Variants in UGT1A7 observed in about 807,000 individuals in gnomAD.
UGT1A7 encodes the protein UDP glucuronosyltransferase family 1 member A7, also known as UDP-glucuronosyltransferase 1A7.
In UGT1A7, 33 loss-of-function variants were observed where a neutral mutation model predicts 45.6. That is an observed-to-expected ratio of 0.72 (90% CI 0.55 to 0.97). The LOEUF is 0.97. Among genes scored for constraint, UGT1A7 ranks in the 50% least tolerant of loss-of-function variants. The pLI, the probability that UGT1A7 is intolerant of heterozygous loss-of-function variation, is 0.00. For synonymous variants in UGT1A7, 274 were observed against 250.6 expected (o/e 1.09, Z -0.88); for missense variants, 684 against 666.2 (o/e 1.03, Z -0.29).
At chr2:233,743,223 T>C (rs879890998) in intron 1 of UGT1A7, 26 of 414,194 alleles carry the variant, frequency 6.3e-5, no homozygotes, top group Middle Eastern at 7.1e-4. Context: ...TGCTCTTTGC[T>C]ATTTATTATG....
chr2:233,744,228 G>A (rs1189849107), intron 1 of UGT1A7, among the ~76,000 whole-genome samples: 1 of 151,768 alleles, frequency 6.6e-6, no homozygotes, highest in Non-Finnish European at 1.5e-5. Flanking sequence ...GAAAAGAGAG[G>A]GCCTTGACTT....
intron 1 of UGT1A7, chr2:233,693,300 T>C: frequency 1.2e-6 from 2 of 1,614,182 alleles, no homozygotes; most frequent in African/African-American, 2.7e-5. Context: ...AACAATCACT[T>C]TGCTGAGCGA....
intron 1 of UGT1A7, among the ~76,000 whole-genome samples, chr2:233,759,295 C>T (rs939661689): frequency 1.3e-5 from 2 of 152,106 alleles, no homozygotes; most frequent in Non-Finnish European, 2.9e-5. Context: ...GAAGCTGAGC[C>T]CTGAGTGGCT....
intron 1 of UGT1A7, among the ~76,000 whole-genome samples, chr2:233,756,874 G>A (rs1221596581): frequency 3.9e-5 from 6 of 152,098 alleles, no homozygotes; most frequent in Non-Finnish European, 7.3e-5. Context: ...GGTATTAGGT[G>A]TAATGAGGAT....
At chr2:233,743,680 G>T in intron 1 of UGT1A7, 1 of 1,367,218 alleles carries the variant, frequency 7.3e-7, no homozygotes, top group South Asian at 1.1e-5. Context: ...AGGGCCTGCC[G>T]CCTGTGCAGC....
intron 1 of UGT1A7, among the ~76,000 whole-genome samples, chr2:233,759,843 C>CA (rs1240131722): frequency 1.3e-5 from 2 of 152,184 alleles, no homozygotes; most frequent in African/African-American, 4.8e-5. Flanking sequence ...GGCACTCTTA[C>CA]AGGTTTCCAT....
chr2:233,766,514 T>C (rs1164692574), intron 1 of UGT1A7, among the ~76,000 whole-genome samples: 2 of 152,060 alleles, frequency 1.3e-5, no homozygotes, highest in South Asian at 2.1e-4. Flanking sequence ...TTTTGGGAAA[T>C]GAAACATTTA....
In UGT1A7 at chr2:233,713,868, G is replaced by C. The variant is rs374502010; in HGVS notation, c.855+31076G>C. ...GAAGCCACTATCTCAGGTCTGTATT[G>C]GTGCCTTTATCCAATCAATGTTCCA... On this transcript the variant is annotated intron_variant, in intron 1 of 4. Coordinates refer to ENST00000373426, the MANE Select transcript of UGT1A7 (RefSeq NM_019077.3). 94 of 1,613,748 alleles carry C rather than the reference G, an allele frequency of 5.8e-5. No individual in the cohort carries two copies. The African/African-American group carries it at 1.1e-3, about 20-fold the overall frequency.
intron 1 of UGT1A7, among the ~76,000 whole-genome samples, chr2:233,762,453 A>T (rs1302924421): frequency 6.6e-6 from 1 of 152,204 alleles, no homozygotes; most frequent in Non-Finnish European, 1.5e-5. Flanking sequence ...CTGCCCACTT[A>T]CCGATAATGT....
At chr2:233,683,064 A>G (rs1353703949) in intron 1 of UGT1A7, among the ~76,000 whole-genome samples, 1 of 152,238 alleles carries the variant, frequency 6.6e-6, no homozygotes, top group Non-Finnish European at 1.5e-5. Context: ...AAAAAACCAC[A>G]GTAAGAAATG....
At chr2:233,716,297 A>G (rs1181187909) in intron 1 of UGT1A7, among the ~76,000 whole-genome samples, 1 of 152,154 alleles carries the variant, frequency 6.6e-6, no homozygotes, top group Non-Finnish European at 1.5e-5. Flanking sequence ...CACATCTATA[A>G]AGTCTCTTCC....
At chr2:233,698,370 A>G (rs531245162) in intron 1 of UGT1A7, among the ~76,000 whole-genome samples, 3 of 152,340 alleles carry the variant, frequency 2.0e-5, no homozygotes, top group African/African-American at 7.2e-5. Flanking sequence ...AATGCCATGA[A>G]ATTGTTCACT....
chr2:233,772,677 A>C lies in UGT1A7; in HGVS notation c.*118A>C. The C allele has an allele frequency of 1.4e-5, 22 of 1,531,978 alleles. No homozygotes were observed. The highest frequency in any genetic ancestry group is 1.8e-5 in the Non-Finnish European group (21 of 1,142,190). 94.9% of individuals were successfully genotyped at this position (1,531,978 alleles called of 1,614,324 possible). On this transcript the variant is annotated 3_prime_UTR_variant, in exon 5 of 5. Transcript: ENST00000373426. Reference sequence around the variant, plus strand: ...ATTAAGGAAATACTTTGCATAAATTAATCAGCCCCAGAGTGCTTTAAAAAA... The same window carrying C: ...ATTAAGGAAATACTTTGCATAAATTCATCAGCCCCAGAGTGCTTTAAAAAA...
intron 1 of UGT1A7, chr2:233,690,602 C>T (rs560704774): frequency 1.1e-5 from 14 of 1,288,534 alleles, no homozygotes; most frequent in Admixed American, 4.6e-5. Flanking sequence ...AAAAAAAAAT[C>T]GGCCTTTGCC....
At chr2:233,719,323 C>T in intron 1 of UGT1A7, 1 of 1,613,948 alleles carries the variant, frequency 6.2e-7, no homozygotes, top group Non-Finnish European at 8.5e-7. Flanking sequence ...CTGTCGATTC[C>T]TGCTGTGTTT....
intron 1 of UGT1A7, among the ~76,000 whole-genome samples, chr2:233,719,930 G>C (rs904855): frequency 0.08 from 12,193 of 152,230 alleles, 624 homozygotes; most frequent in East Asian, 0.2. Flanking sequence ...CTCACGGACA[G>C]TGTTTGTAAA....
chr2:233,698,160 C>T (rs1351823823), intron 1 of UGT1A7, among the ~76,000 whole-genome samples: 1 of 152,066 alleles, frequency 6.6e-6, no homozygotes, highest in Non-Finnish European at 1.5e-5. Flanking sequence ...GCATGTCGTC[C>T]TAGAGAACAT....
chr2:233,747,886 A>G, intron 1 of UGT1A7: 2 of 1,613,554 alleles, frequency 1.2e-6, no homozygotes, highest in South Asian at 1.1e-5. Flanking sequence ...TACCTTTGCC[A>G]TGCTCTTTCT....
intron 1 of UGT1A7, among the ~76,000 whole-genome samples, chr2:233,720,958 G>A (rs777333216): frequency 6.0e-5 from 9 of 149,038 alleles, no homozygotes; most frequent in African/African-American, 1.0e-4. Flanking sequence ...TGATCTGCCC[G>A]CCTCGGCCTC....
Sources: allele counts gnomAD v4.1 joint callset (sites outside exome capture counted in the v4.1 genomes callset), GRCh38; gene constraint gnomAD v4.1.1; transcripts MANE v1.5; gene names NCBI Gene and HGNC (gene_info 2026-07-23, HGNC 2026-07-21).